The following AGBL4 variants were observed in gnomAD, a reference collection of about 807,000 sequenced individuals.
AGBL4 encodes the protein AGBL carboxypeptidase 4, also known as cytosolic carboxypeptidase 6.
In AGBL4, 58 loss-of-function variants were observed where a neutral mutation model predicts 66.4. That is an observed-to-expected ratio of 0.87 (90% CI 0.71 to 1.09). The LOEUF is 1.09. Among genes scored for constraint, AGBL4 ranks in the 50% least tolerant of loss-of-function variants. The pLI is 0.00. For synonymous variants in AGBL4, 234 were observed against 222.9 expected, an observed-to-expected ratio of 1.05 and a Z score of -0.44; for missense variants, 579 against 631.0, an observed-to-expected ratio of 0.92 and a Z score of 0.88.
intron 1 of AGBL4, chr1:49,994,474 G>A (rs959905467): frequency 6.6e-6 from 1 of 152,260 alleles, no homozygotes; most frequent in South Asian, 2.1e-4. Context: ...GGGGCTTTGG[G>A]AGGCTGAGGC....
intron 6 of AGBL4, among the ~76,000 whole-genome samples, chr1:48,794,413 C>T (rs1246444429): frequency 6.6e-6 from 1 of 152,188 alleles, no homozygotes; most frequent in Non-Finnish European, 1.5e-5. Context: ...TCAATTACTA[C>T]CTTCTCTCCT....
At chr1:48,752,556 GT>G (rs2148634511) in intron 6 of AGBL4, among the ~76,000 whole-genome samples, 1 of 152,258 alleles carries the variant, frequency 6.6e-6, no homozygotes, top group South Asian at 2.1e-4. Flanking sequence ...GTCATCCAGG[GT>G]TGACCAAAGA....
chr1:48,731,231 T>C (rs1472447569), intron 6 of AGBL4, among the ~76,000 whole-genome samples: 29 of 152,028 alleles, frequency 1.9e-4, no homozygotes, highest in Non-Finnish European at 2.9e-5. Context: ...AGTGGTTATA[T>C]TGTGGGATAG....
At chr1:49,131,579 G>C (rs781572900) in intron 4 of AGBL4, among the ~76,000 whole-genome samples, 1 of 152,062 alleles carries the variant, frequency 6.6e-6, no homozygotes, top group Non-Finnish European at 1.5e-5. Flanking sequence ...GGGGAGCTCA[G>C]ATCTGAAGAC....
At chr1:48,828,022 ACAC>A (rs1646467095) in intron 6 of AGBL4, among the ~76,000 whole-genome samples, 1 of 150,496 alleles carries the variant, frequency 6.6e-6, no homozygotes, top group African/African-American at 2.4e-5. Context: ...ACACACACAC[ACAC>A]ACACACACAC....
chr1:49,842,459 G>A, intron 2 of AGBL4: 1 of 917,216 alleles, frequency 1.1e-6, no homozygotes, highest in Non-Finnish European at 1.3e-6. Context: ...GTCTGCATGT[G>A]CTCTCTAATT....
intron 4 of AGBL4, among the ~76,000 whole-genome samples, chr1:49,153,686 G>A (rs1282134951): frequency 6.6e-6 from 1 of 151,374 alleles, no homozygotes; most frequent in Non-Finnish European, 1.5e-5. Context: ...CTTCTCTAAT[G>A]TAAAATGAAG....
intron 2 of AGBL4, among the ~76,000 whole-genome samples, chr1:49,738,945 A>G (rs1445496144): frequency 6.6e-6 from 1 of 152,182 alleles, no homozygotes; most frequent in Non-Finnish European, 1.5e-5. Context: ...TAAAACCACA[A>G]AGATGGGGAA....
At chr1:49,607,260 T>G (rs1283280275) in intron 3 of AGBL4, among the ~76,000 whole-genome samples, 1 of 152,114 alleles carries the variant, frequency 6.6e-6, no homozygotes, top group Non-Finnish European at 1.5e-5. Context: ...GATCCAGCTT[T>G]ATTTGGCTAA....
chr1:49,366,279 A>G (rs1478168286), intron 3 of AGBL4, among the ~76,000 whole-genome samples: 1 of 152,188 alleles, frequency 6.6e-6, no homozygotes, highest in Non-Finnish European at 1.5e-5. Context: ...TATTTCATTG[A>G]TGAATGGATG....
intron 11 of AGBL4, among the ~76,000 whole-genome samples, chr1:48,579,073 C>T (rs963183075): frequency 1.1e-4 from 17 of 152,120 alleles, no homozygotes; most frequent in African/African-American, 3.6e-4. Flanking sequence ...GAGCCCTCTG[C>T]CAACCAAACT....
Position 49,047,936 on chromosome 1 carries a change from C to A in AGBL4, c.378-2136G>T, listed in dbSNP as rs149816228. Among the ~76,000 whole-genome samples the A allele has an allele frequency of 5.0e-3, 756 of 152,044 alleles. 7 individuals carry two copies. Among genetic ancestry groups the A allele is most frequent in the Non-Finnish European group, 7.0e-3 (476 of 67,976 alleles). ...AGTCAAGATTAGAGAAAGAACAGAC[C>A]AGTGCAAGGATGTGGGTATGGAGAG... On this transcript the variant is annotated intron_variant, in intron 4 of 13. Coordinates refer to ENST00000371839, the MANE Select transcript of AGBL4 (RefSeq NM_032785.4).
intron 1 of AGBL4, among the ~76,000 whole-genome samples, chr1:49,985,264 T>C (rs1331429552): frequency 1.3e-5 from 2 of 152,126 alleles, no homozygotes; most frequent in African/African-American, 4.8e-5. Context: ...AAATTATTTT[T>C]TAAAATAAAT....
At position 49,347,235 on chromosome 1, in the gene AGBL4, C is replaced by CCTTT. The variant is rs1023476577; in HGVS notation, c.283-101375_283-101372dup. Among the ~76,000 whole-genome samples, 16 of 148,244 alleles carry CCTTT rather than the reference C, an allele frequency of 1.1e-4. No homozygotes were observed. The South Asian group carries it at 1.5e-3, about 14-fold the overall frequency. ...TACTATGTCTATGAAGTAGCCATTTCCTTTCTTTCTTTCTTTCTTTTTTTT... is the reference window on the plus strand; with the variant it reads ...TACTATGTCTATGAAGTAGCCATTTCCTTTCTTTCTTTCTTTCTTTCTTTTTTTT... On this transcript the variant is annotated intron_variant, in intron 3 of 13. Transcript: ENST00000371839.
chr1:49,006,184 CA>C (rs1661785827), intron 5 of AGBL4, among the ~76,000 whole-genome samples: 1 of 152,108 alleles, frequency 6.6e-6, no homozygotes, highest in African/African-American at 2.4e-5. Context: ...GTGCGCGAGC[CA>C]AAGCAGGGTG....
At chr1:49,777,078 T>G (rs768552823) in intron 2 of AGBL4, among the ~76,000 whole-genome samples, 6 of 152,120 alleles carry the variant, frequency 3.9e-5, no homozygotes, top group Admixed American at 6.5e-5. Flanking sequence ...TGTTTGAAAA[T>G]AGCATGAGAT....
chr1:49,422,983 C>T (rs1271680180), intron 3 of AGBL4: 1 of 152,154 alleles, frequency 6.6e-6, no homozygotes, highest in Non-Finnish European at 1.5e-5. Flanking sequence ...GACTATGAAC[C>T]AACTCTAGCA....
intron 3 of AGBL4, among the ~76,000 whole-genome samples, chr1:49,641,646 T>C (rs1430879170): frequency 6.6e-6 from 1 of 152,090 alleles, no homozygotes; most frequent in South Asian, 2.1e-4. Context: ...TGAAAAACTT[T>C]TAAAGAGAGT....
At chr1:49,586,739 C>T (rs1313394678) in intron 3 of AGBL4, among the ~76,000 whole-genome samples, 1 of 152,052 alleles carries the variant, frequency 6.6e-6, no homozygotes, top group Admixed American at 6.6e-5. Context: ...CTCCATGAAA[C>T]AAATCAGAAT....
Sources: gnomAD v4.1 joint callset for allele counts (sites outside exome capture counted in the v4.1 genomes callset) on GRCh38, gnomAD v4.1.1 for gene constraint, MANE v1.5 for transcripts, NCBI Gene and HGNC (gene_info 2026-07-23, HGNC 2026-07-21) for gene names.